Variants in STK3 observed in about 807,000 individuals in gnomAD.
STK3 encodes serine/threonine kinase 3.
A neutral mutation model predicts 58.0 loss-of-function variants in STK3; 41 were observed. That is an observed-to-expected ratio of 0.71 (90% confidence interval 0.55 to 0.92). The LOEUF is 0.92. Among genes scored for constraint, STK3 ranks in the 40% least tolerant of loss-of-function variants. STK3 has a pLI of 0.00. For synonymous variants in STK3, 170 were observed against 191.0 expected (o/e 0.89, Z 0.91); for missense variants, 479 against 602.7 (o/e 0.79, Z 2.15).
chr8:98,693,795 TC>T (rs1824605416), intron 6 of STK3, among the ~76,000 whole-genome samples: 6 of 152,326 alleles, frequency 3.9e-5, no homozygotes, highest in African/African-American at 1.4e-4. Flanking sequence ...GTGGTATTAC[TC>T]AAGTCTCACC....
chr8:98,778,977 A>G (rs1451222118), intron 1 of STK3: 3 of 152,214 alleles, frequency 2.0e-5, no homozygotes, highest in East Asian at 1.9e-4. Flanking sequence ...ACATGTATAC[A>G]TATGTAACAA....
chr8:98,591,469 A>C (rs1815308341), intron 7 of STK3, among the ~76,000 whole-genome samples: 1 of 152,228 alleles, frequency 6.6e-6, no homozygotes, highest in African/African-American at 2.4e-5. Context: ...ACTCCATTGT[A>C]AGTTAAGGAG....
intron 8 of STK3, among the ~76,000 whole-genome samples, chr8:98,569,005 A>T (rs918400711): frequency 6.6e-6 from 1 of 152,200 alleles, no homozygotes; most frequent in Non-Finnish European, 1.5e-5. Context: ...CATTATTAGG[A>T]AAGTTTTAAA....
intron 3 of STK3, among the ~76,000 whole-genome samples, chr8:98,763,890 G>A (rs1427395604): frequency 5.3e-5 from 8 of 152,138 alleles, no homozygotes; most frequent in South Asian, 2.1e-4. Context: ...GGCCAGGCTG[G>A]TGTTGAACTC....
At chr8:98,506,850 A>T (rs1824123889) in intron 10 of STK3, among the ~76,000 whole-genome samples, 1 of 152,244 alleles carries the variant, frequency 6.6e-6, no homozygotes, top group African/African-American at 2.4e-5. Flanking sequence ...ATTTAGCCTC[A>T]TAACACTTAG....
chr8:98,781,993 A>G (rs898325446), intron 1 of STK3: 3 of 154,890 alleles, frequency 1.9e-5, no homozygotes, highest in African/African-American at 7.2e-5. Flanking sequence ...TGGAAATTTA[A>G]GAGATAAAAA....
intron 3 of STK3, among the ~76,000 whole-genome samples, chr8:98,403,894 A>G (rs966750861): frequency 1.4e-4 from 22 of 152,226 alleles, no homozygotes; most frequent in African/African-American, 5.3e-4. Flanking sequence ...AAGAGAAATG[A>G]CACTGGCTGC....
chr8:98,803,593 C>CAAAAAAAAAAAAAA (rs34316563), intron 1 of STK3, among the ~76,000 whole-genome samples: 1 of 38,814 alleles, frequency 2.6e-5, no homozygotes, highest in African/African-American at 1.3e-4. Context: ...GACTCTGTTT[C>CAAAAAAAAAAAAAA]AAAAAAAAAA....
At chr8:98,372,997 T>C (rs780014162) in intron 2 of STK3, among the ~76,000 whole-genome samples, 121 of 152,212 alleles carry the variant, frequency 7.9e-4, no homozygotes, top group Middle Eastern at 3.2e-3. Flanking sequence ...TATTTCTTCT[T>C]TATAATTAAC....
At chr8:98,916,519 A>G (rs73279721) in intron 1 of STK3, among the ~76,000 whole-genome samples, 2,738 of 152,306 alleles carry the variant, frequency 0.018, 77 homozygotes, top group African/African-American at 0.063. Context: ...GGAAAATGGA[A>G]CAAGCACTGT....
intron 4 of STK3, among the ~76,000 whole-genome samples, chr8:98,745,871 A>G (rs535963890): frequency 6.6e-6 from 1 of 152,362 alleles, no homozygotes; most frequent in Admixed American, 6.5e-5. Flanking sequence ...CATTGTGTGA[A>G]CATCACAGAG....
At chr8:98,844,692 C>G (rs1836131766) in intron 3 of STK3, among the ~76,000 whole-genome samples, 1 of 152,104 alleles carries the variant, frequency 6.6e-6, no homozygotes, top group Non-Finnish European at 1.5e-5. Flanking sequence ...TCTCCAACTC[C>G]TGAGCTCAAG....
chr8:98,353,175 G>C, the STK3 span, among the ~76,000 whole-genome samples: 1 of 152,132 alleles, frequency 6.6e-6, no homozygotes, highest in South Asian at 2.1e-4. Context: ...ATGTGCATAA[G>C]GTGTATATGA....
intron 3 of STK3, among the ~76,000 whole-genome samples, chr8:98,760,194 T>G (rs1160912569): frequency 2.0e-5 from 3 of 152,174 alleles, no homozygotes; most frequent in Non-Finnish European, 4.4e-5. Context: ...CACGCTAGAG[T>G]GCAGTGGCAC....
At position 98,756,068 on chromosome 8, in the gene STK3, G is replaced by A. The variant is rs569792414; in HGVS notation, c.237-6678C>T. Among the ~76,000 whole-genome samples the A allele has an allele frequency of 5.3e-5, 8 of 152,126 alleles. No homozygotes were observed. The East Asian group carries it at 5.8e-4, about 11-fold the overall frequency. On this transcript the variant is annotated intron_variant, in intron 3 of 10. Coordinates refer to ENST00000419617, the MANE Select transcript of STK3 (RefSeq NM_006281.4). Reference sequence around the variant, plus strand: ...TGGGGCAGGAGAATCGCTTGAACCCGGGAGGCAGAGGTTGCAGAGAGACGA... The same window carrying A: ...TGGGGCAGGAGAATCGCTTGAACCCAGGAGGCAGAGGTTGCAGAGAGACGA...
rs1056924307 is a variant in STK3, at chr8:98,633,552, C to G, written c.685-37383G>C. 7 of 723,778 alleles carry G rather than the reference C, an allele frequency of 9.7e-6. No homozygotes were observed. In the East Asian group the frequency reaches 1.8e-4, roughly 18 times the overall value. 44.8% of individuals were successfully genotyped at this position (723,778 alleles called of 1,614,324 possible). A position where few individuals can be genotyped will look rare whatever the true frequency, so the allele number is the denominator to read the frequency against. ...CAAGTAACAGAGAATCAGCCAGATT[C>G]TCCAGAGGCTCTTCAGGTTCTCCTC... On this transcript the variant is annotated intron_variant, in intron 6 of 10. Coordinates refer to ENST00000419617, the MANE Select transcript of STK3 (RefSeq NM_006281.4).
intron 6 of STK3, among the ~76,000 whole-genome samples, chr8:98,693,538 G>C (rs1272023198): frequency 6.6e-6 from 1 of 152,062 alleles, no homozygotes; most frequent in African/African-American, 2.4e-5. Flanking sequence ...GTGAAAAATA[G>C]ATTATCCTGT....
At chr8:98,935,165 G>C (rs577145611) in intron 1 of STK3, among the ~76,000 whole-genome samples, 11 of 151,986 alleles carry the variant, frequency 7.2e-5, no homozygotes, top group African/African-American at 2.4e-4. Context: ...CTCCTTAGAG[G>C]TGGGGGTGGG....
chr8:98,617,336 A>C (rs1480138890), intron 6 of STK3, among the ~76,000 whole-genome samples: 2 of 141,866 alleles, frequency 1.4e-5, no homozygotes, highest in Non-Finnish European at 3.1e-5. Context: ...AATTTATAGC[A>C]CTAAATGCCC....
Sources: allele counts gnomAD v4.1 joint callset (sites outside exome capture counted in the v4.1 genomes callset), GRCh38; gene constraint gnomAD v4.1.1; transcripts MANE v1.5; gene names NCBI Gene and HGNC (gene_info 2026-07-23, HGNC 2026-07-21).